EYS: variants seen among roughly 807,000 people sequenced by gnomAD.
EYS encodes the protein protein eyes shut homolog.
Under a neutral mutation model 282.1 loss-of-function variants are expected in EYS, and 250 were observed. The ratio of observed to expected loss-of-function variants is 0.89; its 90% CI spans 0.80 to 0.98. The LOEUF (loss-of-function observed/expected upper bound fraction) is 0.98. Ranked by LOEUF, EYS falls within the 50% of genes least tolerant of loss-of-function variation. The pLI is 0.00. For missense variants in EYS, 4,016 were observed against 3,709.0 expected (o/e 1.08, Z -2.15); for synonymous variants, 1,355 against 1,282.9 (o/e 1.06, Z -1.20).
chr6:64,203,076 T>A (rs1339920016), intron 31 of EYS, among the ~76,000 whole-genome samples: 3 of 152,216 alleles, frequency 2.0e-5, no homozygotes, highest in Non-Finnish European at 4.4e-5. Flanking sequence ...AAGAGTTTCC[T>A]CTATGTCCAG....
At chr6:64,009,352 C>T (rs1040082934) in intron 33 of EYS, among the ~76,000 whole-genome samples, 1 of 150,740 alleles carries the variant, frequency 6.6e-6, no homozygotes, top group African/African-American at 2.4e-5. Flanking sequence ...GGCGTGATCT[C>T]GGCTCACTGC....
intron 31 of EYS, among the ~76,000 whole-genome samples, chr6:64,161,456 C>A (rs980758670): frequency 1.3e-5 from 2 of 152,146 alleles, no homozygotes; most frequent in African/African-American, 4.8e-5. Flanking sequence ...AGTGGTATAT[C>A]TTGGGGATAA....
At chr6:65,479,364 G>A (rs1158637485) in intron 5 of EYS, among the ~76,000 whole-genome samples, 3 of 152,250 alleles carry the variant, frequency 2.0e-5, no homozygotes, top group South Asian at 2.1e-4. Context: ...TATATGCAAA[G>A]GATCTAGAAT....
intron 35 of EYS, among the ~76,000 whole-genome samples, chr6:63,938,586 T>G (rs1410073214): frequency 6.6e-6 from 1 of 152,352 alleles, no homozygotes; most frequent in South Asian, 2.1e-4. Flanking sequence ...ATTCTCTTGG[T>G]TGAAAAAGAA....
chr6:64,997,592 T>C lies in EYS; in HGVS notation c.2249A>G (p.Asp750Gly), dbSNP rs1190554336. 6.4e-7 allele frequency: 1 copy of C among 1,551,138 alleles called. No individual in the cohort carries two copies. Among genetic ancestry groups the C allele is most frequent in the Non-Finnish European group, 8.7e-7 (1 of 1,146,500 alleles). ...CCAGTGGATACTAACGAGATGCAGGTCTTTGCAGGTAGAATTGTGCTCACA... is the reference window on the plus strand; with the variant it reads ...CCAGTGGATACTAACGAGATGCAGGCCTTTGCAGGTAGAATTGTGCTCACA... The part of the protein sequence containing the change: ...NACEHNSTCK[D>G]LHLSYQCVCL... Residue 750 changes from aspartate to glycine, a missense_variant, in exon 14 of 43, where the codon GAC becomes GGC. Physicochemically the swap from Asp to Gly is moderately conservative, Grantham distance 94. Coordinates refer to ENST00000503581, the MANE Select transcript of EYS (RefSeq NM_001142800.2).
At chr6:65,162,172 C>T (rs1006716842) in intron 12 of EYS, among the ~76,000 whole-genome samples, 1 of 151,202 alleles carries the variant, frequency 6.6e-6, no homozygotes, top group African/African-American at 2.4e-5. Flanking sequence ...GACTACAACA[C>T]TTGGTCTTTA....
rs1041685881 is a variant in EYS at position 65,480,669 on chromosome 6, A to G, written c.862+9925T>C. On this transcript the variant is annotated intron_variant, in intron 5 of 42. Transcript: ENST00000503581. The stretch of plus-strand genomic sequence containing the variant: ...GGATAGCTGAACCCCCATATTTATT[A>G]TAGCATTATTCATAATAGTCAATAT... 2.1e-4 allele frequency among the ~76,000 whole-genome samples: 32 copies of G among 152,298 alleles called. 1 individual carries two copies. Among genetic ancestry groups the G allele is most frequent in the African/African-American group, 7.2e-4 (30 of 41,574 alleles).
In EYS at chr6:63,958,287, A is replaced by G. The variant is rs530464749; in HGVS notation, c.7055+26096T>C. On this transcript the variant is annotated intron_variant, in intron 35 of 42. Coordinates refer to ENST00000503581, the MANE Select transcript of EYS (RefSeq NM_001142800.2). ...TACCTGAACAGATATATACTCTACA[A>G]GTGACAAAAGAGAAAAAATAATATA... 4.3e-5 allele frequency among the ~76,000 whole-genome samples: 6 copies of G among 141,070 alleles called. No individual in the cohort carries two copies. The South Asian group carries it at 1.4e-3, about 32-fold the overall frequency. The allele number at this position is 141,070 out of a possible 152,430, so 92.5% of individuals were successfully genotyped here.
intron 28 of EYS, among the ~76,000 whole-genome samples, chr6:64,407,853 T>C (rs2150441209): frequency 6.6e-6 from 1 of 152,182 alleles, no homozygotes. Flanking sequence ...TGCCTCAGCC[T>C]CCCGAGGAGC....
chr6:64,426,229 T>C (rs1774404095), intron 28 of EYS, among the ~76,000 whole-genome samples: 1 of 152,234 alleles, frequency 6.6e-6, no homozygotes, highest in African/African-American at 2.4e-5. Context: ...GACCATTGTC[T>C]CACACTGCTT....
intron 40 of EYS, among the ~76,000 whole-genome samples, chr6:63,766,347 GGTCTGTTTT>G (rs1202552775): frequency 6.6e-5 from 10 of 151,878 alleles, no homozygotes; most frequent in Non-Finnish European, 1.5e-5. Flanking sequence ...GCAGAGATAG[GGTCTGTTTT>G]GTTTTTTATT....
intron 22 of EYS, among the ~76,000 whole-genome samples, chr6:64,797,035 C>A (rs9452926): frequency 6.6e-6 from 1 of 151,790 alleles, no homozygotes; most frequent in Non-Finnish European, 1.5e-5. Flanking sequence ...CAGTATACTG[C>A]GGAATTTCAA....
At chr6:64,150,329 G>C (rs1193730012) in intron 31 of EYS, among the ~76,000 whole-genome samples, 2 of 152,218 alleles carry the variant, frequency 1.3e-5, no homozygotes, top group Non-Finnish European at 2.9e-5. Context: ...GCAGGTAGCA[G>C]ATGGGGATCC....
intron 33 of EYS, among the ~76,000 whole-genome samples, chr6:64,038,866 G>A (rs1770251388): frequency 2.0e-5 from 3 of 151,122 alleles, no homozygotes; most frequent in Non-Finnish European, 1.5e-5. Context: ...GTGCAGTCGC[G>A]CGATCTTGGC....
At position 65,382,502 on chromosome 6, in the gene EYS, T is replaced by C. The variant is rs967476464; in HGVS notation, c.1299+1884A>G. Among the ~76,000 whole-genome samples the C allele has an allele frequency of 6.0e-5, 9 of 150,554 alleles. No homozygotes were observed. In the South Asian group the frequency reaches 8.4e-4, roughly 14 times the overall value. Reference sequence around the variant, plus strand: ...GTGTGTGTGTGTGTGTGTGTGTGTGTGCTCTTCTAGTTCATCCTTATGCTA... The same window carrying C: ...GTGTGTGTGTGTGTGTGTGTGTGTGCGCTCTTCTAGTTCATCCTTATGCTA... On this transcript the variant is annotated intron_variant, in intron 8 of 42. Transcript: ENST00000503581.
In EYS at chr6:65,402,516, A is replaced by G. The variant is rs974110; in HGVS notation, c.1146T>C (p.Asn382=). 782,056 of 1,529,430 alleles carry G rather than the reference A, an allele frequency of 0.51. 201,288 individuals are homozygous for G. The highest frequency in any genetic ancestry group is 0.55 in the Admixed American group (32,800 of 59,598). 94.7% of individuals were successfully genotyped at this position (1,529,430 alleles called of 1,614,324 possible). ...CTTTCTCACATTTCTTACATGTAGC[A>G]TTATTCCTCAAAGGAAATGACTCAC... ...TSCESFPLRN[N]ATCKKCEKDY... The change falls in exon 7 of 43, where the codon AAT becomes AAC. Residue 382 remains asparagine, a synonymous_variant. Coordinates refer to ENST00000503581, the MANE Select transcript of EYS (RefSeq NM_001142800.2).
rs138980637 is a variant in EYS, at chr6:65,695,281, T to C, written c.-448+11854A>G. On this transcript the variant is annotated intron_variant, in intron 1 of 42. Coordinates refer to ENST00000503581, the MANE Select transcript of EYS (RefSeq NM_001142800.2). ...GATTGCAAAATTAGAAGAGACATGG[T>C]ATTTATCACCCTTGTTTGGCAAGAT... Among the ~76,000 whole-genome samples, 462 of 152,174 alleles carry C rather than the reference T, an allele frequency of 3.0e-3. 3 individuals are homozygous for C. The highest frequency in any genetic ancestry group is 0.01 in the African/African-American group (436 of 41,550).
intron 8 of EYS, among the ~76,000 whole-genome samples, chr6:65,364,863 C>A (rs780372698): frequency 7.9e-5 from 12 of 151,708 alleles, no homozygotes; most frequent in Non-Finnish European, 1.6e-4. Flanking sequence ...CTTCAGATTT[C>A]TATATTCATT....
At chr6:65,198,777 G>A (rs1765830533) in intron 12 of EYS, among the ~76,000 whole-genome samples, 1 of 152,068 alleles carries the variant, frequency 6.6e-6, no homozygotes, top group Non-Finnish European at 1.5e-5. Context: ...TCCAAAAGGG[G>A]GATTTGGTTG....
Sources: gnomAD v4.1 joint callset for allele counts (sites outside exome capture counted in the v4.1 genomes callset) on GRCh38, gnomAD v4.1.1 for gene constraint, MANE v1.5 for transcripts, NCBI Gene and HGNC (gene_info 2026-07-23, HGNC 2026-07-21) for gene names.